Variants in USP10 observed in about 807,000 individuals in gnomAD.
The protein encoded by USP10 is ubiquitin carboxyl-terminal hydrolase 10.
In USP10, 22 loss-of-function variants were observed where a neutral mutation model predicts 84.5. That is an observed-to-expected ratio of 0.26 (90% CI 0.19 to 0.37). USP10 has a LOEUF of 0.37. USP10 is among the 10% of genes least tolerant of loss of function. The pLI, the probability that USP10 is intolerant of heterozygous loss-of-function variation, is 1.00. For missense variants in USP10, 1,019 were observed against 998.9 expected (o/e 1.02, Z -0.27); for synonymous variants, 454 against 387.6 (o/e 1.17, Z -2.01).
At chr16:84,732,401 C>A (rs1018511579) in intron 1 of USP10, 5 of 389,490 alleles carry the variant, frequency 1.3e-5, no homozygotes, top group African/African-American at 1.1e-4. Flanking sequence ...ATTGCTTCTC[C>A]GTTGTGGAAA....
rs1236781936 is a variant in USP10 at position 84,723,366 on chromosome 16, G to A, written c.22-10069G>A. 3.3e-5 allele frequency among the ~76,000 whole-genome samples: 5 copies of A among 152,206 alleles called. No homozygotes were observed. The East Asian group carries it at 9.6e-4, about 29-fold the overall frequency. On this transcript the variant is annotated intron_variant, in intron 1 of 13. Coordinates refer to ENST00000219473, the MANE Select transcript of USP10 (RefSeq NM_005153.3). Reference sequence around the variant, plus strand: ...TAAGTGTTATACTTTAAAAATAAGTGTTATTTCTTGATTGTATTTATTTGA... The same window carrying A: ...TAAGTGTTATACTTTAAAAATAAGTATTATTTCTTGATTGTATTTATTTGA...
chr16:84,735,130 A>G (rs765100189), intron 2 of USP10, among the ~76,000 whole-genome samples: 3 of 151,096 alleles, frequency 2.0e-5, no homozygotes, highest in Non-Finnish European at 4.4e-5. Context: ...GCCCCGCCTC[A>G]GGGGGGTTCT....
At chr16:84,749,533 A>T (rs1239333307) in intron 4 of USP10, among the ~76,000 whole-genome samples, 3 of 151,894 alleles carry the variant, frequency 2.0e-5, no homozygotes, top group Non-Finnish European at 4.4e-5. Flanking sequence ...TGAGCCCGGG[A>T]GTTCGAGGCC....
chr16:84,727,098 C>G (rs1908590567), intron 1 of USP10, among the ~76,000 whole-genome samples: 1 of 152,200 alleles, frequency 6.6e-6, no homozygotes, highest in Non-Finnish European at 1.5e-5. Flanking sequence ...TTAATGACAG[C>G]CACCAATATG....
chr16:84,760,997 T>G (rs1913140550), intron 8 of USP10, among the ~76,000 whole-genome samples: 1 of 152,228 alleles, frequency 6.6e-6, no homozygotes, highest in Non-Finnish European at 1.5e-5. Flanking sequence ...AGAGTGAATG[T>G]CGAGGGCATC....
intron 1 of USP10, among the ~76,000 whole-genome samples, chr16:84,731,517 T>TC (rs1358022920): frequency 6.6e-6 from 1 of 151,916 alleles, no homozygotes; most frequent in African/African-American, 2.4e-5. Context: ...TTTCCTTTCC[T>TC]CCCCCCAAGA....
At chr16:84,736,758 GGAGAGTA>G (rs1173880436) in intron 2 of USP10, among the ~76,000 whole-genome samples, 1 of 152,150 alleles carries the variant, frequency 6.6e-6, no homozygotes, top group Non-Finnish European at 1.5e-5. Context: ...GGGTACTCAT[GGAGAGTA>G]GAGAGTAGAG....
In USP10 at chr16:84,706,120, G is replaced by T. The variant is rs141065570; in HGVS notation, c.21+6009G>T. Among the ~76,000 whole-genome samples the T allele has an allele frequency of 2.7e-3, 406 of 152,184 alleles. 2 individuals are homozygous for T. The highest frequency in any genetic ancestry group is 9.4e-3 in the African/African-American group (389 of 41,528). On this transcript the variant is annotated intron_variant, in intron 1 of 13. Coordinates refer to ENST00000219473, the MANE Select transcript of USP10 (RefSeq NM_005153.3). Reference sequence around the variant, plus strand: ...TGGTCTTGAACTCCTGGCCTCAAGGGATCCCTTCTGCTTCAGCTTCCTAAA... The same window carrying T: ...TGGTCTTGAACTCCTGGCCTCAAGGTATCCCTTCTGCTTCAGCTTCCTAAA...
intron 8 of USP10, among the ~76,000 whole-genome samples, chr16:84,760,945 C>T (rs1261029015): frequency 1.3e-5 from 2 of 152,118 alleles, no homozygotes; most frequent in African/African-American, 4.8e-5. Context: ...TGAGAAAATG[C>T]CATTTAAGTC....
intron 1 of USP10, among the ~76,000 whole-genome samples, 154 bp downstream of exon 1, chr16:84,700,265 C>G (rs566712494): frequency 6.6e-6 from 1 of 151,226 alleles, no homozygotes; most frequent in Non-Finnish European, 1.5e-5. Context: ...CGGAGCCACC[C>G]GCCGCCTCCG....
chr16:84,778,743 C>T (rs1207169517), intron 13 of USP10, among the ~76,000 whole-genome samples, 152 bp from the exon 14 acceptor site: 4 of 152,202 alleles, frequency 2.6e-5, no homozygotes, highest in African/African-American at 7.2e-5. Flanking sequence ...GTTGAAATAG[C>T]ATTGGTTTGT....
chr16:84,713,029 C>T (rs190997912), intron 1 of USP10, among the ~76,000 whole-genome samples: 2 of 152,198 alleles, frequency 1.3e-5, no homozygotes, highest in African/African-American at 4.8e-5. Flanking sequence ...GCAGCTGTCC[C>T]CCAAATGCAA....
At chr16:84,718,472 C>G (rs78693258) in intron 1 of USP10, among the ~76,000 whole-genome samples, 4,777 of 152,198 alleles carry the variant, frequency 0.031, 219 homozygotes, top group African/African-American at 0.11. Flanking sequence ...TATAGTTTTT[C>G]TTCTGGCCGG....
intron 1 of USP10, among the ~76,000 whole-genome samples, chr16:84,701,642 T>C (rs1013461455): frequency 3.9e-5 from 6 of 151,934 alleles, no homozygotes; most frequent in African/African-American, 1.4e-4. Context: ...ACTTCCTTTA[T>C]TTAATAAGCA....
intron 3 of USP10, among the ~76,000 whole-genome samples, chr16:84,743,353 G>A (rs114698264): frequency 1.0e-3 from 156 of 152,186 alleles, no homozygotes; most frequent in African/African-American, 3.5e-3. Context: ...TAAAGCATAC[G>A]AAGATTCAGG....
At chr16:84,731,776 C>CTT (rs5818506) in intron 1 of USP10, among the ~76,000 whole-genome samples, 49 of 148,894 alleles carry the variant, frequency 3.3e-4, no homozygotes, top group South Asian at 1.5e-3. Flanking sequence ...TCTGATAGCT[C>CTT]TTTTTTTTTT....
chr16:84,709,814 A>C (rs1167335397), intron 1 of USP10, among the ~76,000 whole-genome samples: 1 of 152,216 alleles, frequency 6.6e-6, no homozygotes, highest in Non-Finnish European at 1.5e-5. Flanking sequence ...GACTGTGCAG[A>C]GGAACTGTCT....
chr16:84,708,495 A>T (rs1381021872), intron 1 of USP10, among the ~76,000 whole-genome samples: 2 of 152,252 alleles, frequency 1.3e-5, no homozygotes, highest in African/African-American at 4.8e-5. Context: ...ATTCTTGTCC[A>T]TCCATTGCCT....
chr16:84,773,157 G>A (rs1567653400), intron 12 of USP10, among the ~76,000 whole-genome samples: 3 of 152,146 alleles, frequency 2.0e-5, no homozygotes. Context: ...TCAGGTCACG[G>A]GCTCGGCACT....
Sources: gnomAD v4.1 joint callset for allele counts (sites outside exome capture counted in the v4.1 genomes callset) on GRCh38, gnomAD v4.1.1 for gene constraint, MANE v1.5 for transcripts, NCBI Gene and HGNC (gene_info 2026-07-23, HGNC 2026-07-21) for gene names.